The following PTK2 variants were observed in gnomAD, a reference collection of about 807,000 sequenced individuals.
The protein encoded by PTK2 is focal adhesion kinase 1.
Under a neutral mutation model 150.1 loss-of-function variants are expected in PTK2, and 45 were observed. The ratio of observed to expected loss-of-function variants is 0.30; its 90% confidence interval spans 0.24 to 0.38. The LOEUF (loss-of-function observed/expected upper bound fraction) is 0.38, where lower values mean the gene tolerates loss of function less well. Ranked by LOEUF, PTK2 falls within the 10% of genes least tolerant of loss-of-function variation. The pLI, the probability that PTK2 is intolerant of heterozygous loss-of-function variation, is 1.00. For synonymous variants in PTK2, 432 were observed against 449.2 expected (o/e 0.96, Z 0.48); for missense variants, 919 against 1,307.3 (o/e 0.70, Z 4.58).
At chr8:140,960,496 C>T (rs920328197) in intron 1 of PTK2, among the ~76,000 whole-genome samples, 2 of 151,960 alleles carry the variant, frequency 1.3e-5, no homozygotes, top group Non-Finnish European at 2.9e-5. Context: ...GTATGAGCCA[C>T]CGCGGCTGGC....
chr8:140,855,693 A>T (rs1176185788), intron 5 of PTK2, among the ~76,000 whole-genome samples: 1 of 152,234 alleles, frequency 6.6e-6, no homozygotes, highest in Admixed American at 6.5e-5. Flanking sequence ...ATGACAAAGG[A>T]CTAGTATACA....
intron 1 of PTK2, among the ~76,000 whole-genome samples, chr8:140,968,770 T>C (rs1279855435): frequency 1.3e-5 from 2 of 152,208 alleles, no homozygotes; most frequent in Non-Finnish European, 1.5e-5. Flanking sequence ...TATCATGATA[T>C]ATGGTAAGGG....
At chr8:140,998,590 G>C (rs1279259939) in intron 1 of PTK2, among the ~76,000 whole-genome samples, 1 of 152,004 alleles carries the variant, frequency 6.6e-6, no homozygotes. Flanking sequence ...AGGCCAAGGT[G>C]GGCGGATCAT....
At position 140,850,504 on chromosome 8, in the gene PTK2, T is replaced by C. The variant is rs1226652180; in HGVS notation, c.451-3826A>G. On this transcript the variant is annotated intron_variant, in intron 5 of 31. Coordinates refer to ENST00000522684, the Ensembl canonical transcript of PTK2. ...ACTCTGGGAGGCCAAGGCGGGTAGA[T>C]CACGAGGTCAGGATATCGAGACCAC... Among the ~76,000 whole-genome samples, 4 of 145,450 alleles carry C rather than the reference T, an allele frequency of 2.8e-5. No homozygotes were observed. The South Asian group carries it at 6.5e-4, about 24-fold the overall frequency.
intron 30 of PTK2, among the ~76,000 whole-genome samples, chr8:140,667,807 C>G (rs2093238256): frequency 1.3e-5 from 2 of 152,222 alleles, no homozygotes; most frequent in Non-Finnish European, 2.9e-5. Context: ...CTTTCTTCAG[C>G]TGGCTCCTCC....
At chr8:140,664,777 G>T in intron 31 of PTK2, 140 bp downstream of exon 35, 3 of 828,190 alleles carry the variant, frequency 3.6e-6, no homozygotes, top group Non-Finnish European at 6.0e-6. Flanking sequence ...CAGTGTTAGA[G>T]GGAAGGTCAT....
chr8:140,702,549 A>C, intron 25 of PTK2, 21 bp downstream of exon 28: 1 of 1,611,454 alleles, frequency 6.2e-7, no homozygotes, highest in Non-Finnish European at 8.5e-7. Flanking sequence ...AACAAACTGA[A>C]GCCCAAGACA....
At chr8:140,767,941 C>A (rs1285038339) in intron 14 of PTK2, among the ~76,000 whole-genome samples, 13 of 151,968 alleles carry the variant, frequency 8.6e-5, no homozygotes, top group Non-Finnish European at 1.8e-4. Context: ...GTTAGTGTAA[C>A]ATAGTTTAAG....
At chr8:140,796,972 A>G (rs2154591965) in intron 12 of PTK2, among the ~76,000 whole-genome samples, 1 of 152,194 alleles carries the variant, frequency 6.6e-6, no homozygotes, top group Non-Finnish European at 1.5e-5. Flanking sequence ...ATACTCCCTC[A>G]TTTATTAATT....
At chr8:140,773,688 C>A (rs1261703285) in intron 14 of PTK2, among the ~76,000 whole-genome samples, 15 of 152,054 alleles carry the variant, frequency 9.9e-5, no homozygotes, top group African/African-American at 3.6e-4. Context: ...CAGTGAGGTC[C>A]CAGAGTGTCT....
At chr8:140,941,606 C>T (rs1047761997) in intron 1 of PTK2, among the ~76,000 whole-genome samples, 4 of 152,148 alleles carry the variant, frequency 2.6e-5, no homozygotes, top group African/African-American at 9.7e-5. Context: ...TCCACTCCTA[C>T]TCACTGTTGT....
intron 1 of PTK2, among the ~76,000 whole-genome samples, chr8:140,927,946 AAAAAAAAAAAAG>A (rs1239209137): frequency 6.3e-4 from 67 of 106,912 alleles, no homozygotes; most frequent in Non-Finnish European, 8.6e-4. Flanking sequence ...AAAAGAAAAA[AAAAAAAAAAAAG>A]AAAAAAAAAA....
Position 140,894,995 on chromosome 8 carries a change from A to G in PTK2, c.-32-4226T>C, listed in dbSNP as rs187863392. ...CTGAAGTTGCCCATACACTGAGTGA[A>G]AGAGAAAGATTCAATAAATATCAAG... On this transcript the variant is annotated intron_variant, in intron 2 of 31. Coordinates refer to ENST00000522684, the Ensembl canonical transcript of PTK2. Among the ~76,000 whole-genome samples the G allele has an allele frequency of 1.6e-4, 25 of 152,360 alleles. 1 individual carries two copies. The East Asian group carries it at 4.8e-3, about 29-fold the overall frequency.
At chr8:140,843,310 C>A (rs1235748276) in intron 7 of PTK2, among the ~76,000 whole-genome samples, 2 of 152,116 alleles carry the variant, frequency 1.3e-5, no homozygotes, top group East Asian at 3.8e-4. Context: ...ATGTATTATT[C>A]ATGGAAATTT....
chr8:140,761,073 G>C (rs2100069157), intron 16 of PTK2, 92 bp downstream of exon 19: 1 of 813,464 alleles, frequency 1.2e-6, no homozygotes, highest in African/African-American at 1.7e-5. Flanking sequence ...TTAATACCTA[G>C]AAGAACTAAG....
intron 1 of PTK2, among the ~76,000 whole-genome samples, chr8:140,991,592 A>G (rs2100195712): frequency 2.6e-5 from 4 of 152,204 alleles, no homozygotes; most frequent in Non-Finnish European, 5.9e-5. Context: ...CAAGAAGACA[A>G]CATACACATA....
intron 19 of PTK2, among the ~76,000 whole-genome samples, chr8:140,743,797 A>G (rs1235640896): frequency 7.4e-6 from 1 of 135,126 alleles, no homozygotes; most frequent in Non-Finnish European, 1.6e-5. Flanking sequence ...TTTTTTTTTG[A>G]GACAGAGTCT....
chr8:140,975,895 T>C (rs2100189110), intron 1 of PTK2, among the ~76,000 whole-genome samples: 1 of 152,194 alleles, frequency 6.6e-6, no homozygotes, highest in African/African-American at 2.4e-5. Context: ...ATTTTTTAAA[T>C]GGCGAACAAA....
intron 18 of PTK2, among the ~76,000 whole-genome samples, chr8:140,746,046 A>C (rs1265073502): frequency 6.6e-6 from 1 of 151,972 alleles, no homozygotes; most frequent in African/African-American, 2.4e-5. Context: ...GATTTAAATA[A>C]GTTGGTTTAA....
Sources: gnomAD v4.1 joint callset for allele counts (sites outside exome capture counted in the v4.1 genomes callset) on GRCh38, gnomAD v4.1.1 for gene constraint, MANE v1.5 for transcripts, NCBI Gene and HGNC (gene_info 2026-07-23, HGNC 2026-07-21) for gene names.